FBXL17: variants seen among roughly 807,000 people sequenced by gnomAD.
FBXL17 encodes the protein F-box and leucine rich repeat protein 17.
FBXL17 carries 22 observed loss-of-function variants against 66.2 expected under a neutral mutation model. That is an observed-to-expected ratio of 0.33 (90% CI 0.24 to 0.47). The LOEUF is 0.47. Among genes scored for constraint, FBXL17 ranks in the 20% least tolerant of loss-of-function variants. FBXL17 has a pLI of 1.00. For missense variants in FBXL17, 878 were observed against 948.2 expected (o/e 0.93, Z 0.97); for synonymous variants, 474 against 400.5 (o/e 1.18, Z -2.19).
intron 6 of FBXL17, among the ~76,000 whole-genome samples, 198 bp downstream of exon 6, chr5:108,185,919 A>G (rs944355330): frequency 6.6e-6 from 1 of 152,222 alleles, no homozygotes; most frequent in African/African-American, 2.4e-5. Context: ...GTATTAAAGC[A>G]CCTAAAAACT....
intron 7 of FBXL17, among the ~76,000 whole-genome samples, chr5:108,012,206 A>G (rs1754202587): frequency 6.6e-6 from 1 of 152,210 alleles, no homozygotes; most frequent in Non-Finnish European, 1.5e-5. Context: ...AGTTAGTTAT[A>G]ATAATTTTAA....
chr5:107,921,875 C>T (rs1428818713), intron 7 of FBXL17, among the ~76,000 whole-genome samples: 1 of 152,186 alleles, frequency 6.6e-6, no homozygotes, highest in Non-Finnish European at 1.5e-5. Context: ...GAATATAAAG[C>T]TCACATTTTC....
chr5:108,133,398 C>T (rs1580489386), intron 6 of FBXL17, among the ~76,000 whole-genome samples: 2 of 151,966 alleles, frequency 1.3e-5, no homozygotes, highest in Admixed American at 1.3e-4. Flanking sequence ...ATTCTATGTG[C>T]CATGTTAGCC....
intron 8 of FBXL17, among the ~76,000 whole-genome samples, chr5:107,867,315 T>C (rs568832197): frequency 6.6e-6 from 1 of 152,332 alleles, no homozygotes; most frequent in Non-Finnish European, 1.5e-5. Flanking sequence ...TGATGGTAGT[T>C]TAACAAGTTT....
At chr5:108,135,773 T>C (rs1442374548) in intron 6 of FBXL17, among the ~76,000 whole-genome samples, 1 of 152,118 alleles carries the variant, frequency 6.6e-6, no homozygotes, top group Non-Finnish European at 1.5e-5. Context: ...GATGGTTATT[T>C]CCTCTCCAAT....
chr5:107,996,824 C>G (rs1753492330), intron 7 of FBXL17, among the ~76,000 whole-genome samples: 1 of 152,158 alleles, frequency 6.6e-6, no homozygotes, highest in African/African-American at 2.4e-5. Flanking sequence ...CTGCTTGCCT[C>G]CAAAGCATTG....
chr5:108,132,247 A>T (rs1750965732), intron 6 of FBXL17, among the ~76,000 whole-genome samples: 1 of 152,188 alleles, frequency 6.6e-6, no homozygotes, highest in Non-Finnish European at 1.5e-5. Context: ...AAGTGTTGGG[A>T]TTACAGGCAT....
chr5:108,083,240 CACACACACACAGAG>C (rs955862710), intron 6 of FBXL17, among the ~76,000 whole-genome samples: 6 of 137,842 alleles, frequency 4.4e-5, no homozygotes, highest in African/African-American at 1.8e-4. Flanking sequence ...CACACACACA[CACACACACACAGAG>C]AGAGAGATAG....
intron 6 of FBXL17, among the ~76,000 whole-genome samples, chr5:108,168,971 C>G (rs887184652): frequency 1.3e-5 from 2 of 152,160 alleles, no homozygotes; most frequent in African/African-American, 2.4e-5. Flanking sequence ...AGGAGTGTAG[C>G]ATTGTAAAGT....
intron 4 of FBXL17, among the ~76,000 whole-genome samples, chr5:108,337,360 A>G (rs1027821254): frequency 6.6e-6 from 1 of 152,130 alleles, no homozygotes; most frequent in Non-Finnish European, 1.5e-5. Flanking sequence ...TACAATTCAT[A>G]CACTGAAAAA....
At chr5:108,048,706 C>G (rs953088718) in intron 6 of FBXL17, among the ~76,000 whole-genome samples, 3 of 152,148 alleles carry the variant, frequency 2.0e-5, no homozygotes, top group Non-Finnish European at 2.9e-5. Context: ...GAAAGAATAT[C>G]AGAGTCTGAA....
intron 6 of FBXL17, among the ~76,000 whole-genome samples, chr5:108,079,412 T>A (rs1364802697): frequency 6.6e-6 from 1 of 152,166 alleles, no homozygotes; most frequent in Non-Finnish European, 1.5e-5. Context: ...CGTCTGAAGA[T>A]ACAATTCCTG....
chr5:107,976,162 G>A (rs2112659883), intron 7 of FBXL17, among the ~76,000 whole-genome samples: 1 of 152,198 alleles, frequency 6.6e-6, no homozygotes, highest in South Asian at 2.1e-4. Context: ...TGGCCTAAAA[G>A]TCTGTCTTAT....
intron 7 of FBXL17, among the ~76,000 whole-genome samples, chr5:107,965,966 G>C (rs1245209629): frequency 6.6e-6 from 1 of 152,020 alleles, no homozygotes. Context: ...TTCTATAAAA[G>C]ACGATATGAT....
At chr5:108,054,665 T>C (rs916635200) in intron 6 of FBXL17, among the ~76,000 whole-genome samples, 2 of 152,192 alleles carry the variant, frequency 1.3e-5, no homozygotes, top group Admixed American at 6.5e-5. Flanking sequence ...GAGTGGTTAT[T>C]ATCTAAAAGA....
intron 8 of FBXL17, among the ~76,000 whole-genome samples, chr5:107,876,478 A>G (rs1015570569): frequency 6.6e-6 from 1 of 152,244 alleles, no homozygotes; most frequent in African/African-American, 2.4e-5. Flanking sequence ...TTCACTGCTC[A>G]TAATTCAGGC....
chr5:108,321,902 GAC>G (rs1759636997), intron 4 of FBXL17, among the ~76,000 whole-genome samples: 1 of 151,794 alleles, frequency 6.6e-6, no homozygotes, highest in Admixed American at 6.6e-5. Flanking sequence ...ATGAGCCAAG[GAC>G]ACAGTTACAG....
At chr5:108,276,788 C>G (rs1757499563) in intron 4 of FBXL17, among the ~76,000 whole-genome samples, 1 of 152,088 alleles carries the variant, frequency 6.6e-6, no homozygotes, top group Non-Finnish European at 1.5e-5. Context: ...AATTATTATT[C>G]AAGCCCTTAG....
intron 7 of FBXL17, among the ~76,000 whole-genome samples, chr5:107,953,219 G>A (rs906519119): frequency 6.6e-6 from 1 of 151,874 alleles, no homozygotes; most frequent in African/African-American, 2.4e-5. Context: ...TGGCTAACAC[G>A]GTGAAACCCC....
Sources: gnomAD v4.1 joint callset for allele counts (sites outside exome capture counted in the v4.1 genomes callset) on GRCh38, gnomAD v4.1.1 for gene constraint, MANE v1.5 for transcripts, NCBI Gene and HGNC (gene_info 2026-07-23, HGNC 2026-07-21) for gene names.